The following AFF3 variants were observed in gnomAD, a reference collection of about 807,000 sequenced individuals.
AFF3 encodes the protein ALF transcription elongation factor 3, also known as AF4/FMR2 family member 3.
A neutral mutation model predicts 129.7 loss-of-function variants in AFF3; 32 were observed. The ratio of observed to expected loss-of-function variants is 0.25; its 90% CI spans 0.19 to 0.33. The LOEUF (loss-of-function observed/expected upper bound fraction) is 0.33. AFF3 is among the 10% of genes least tolerant of loss of function. The probability of loss-of-function intolerance (pLI) is 1.00; values close to 1 mark genes in which losing one functional copy is unlikely to be tolerated. For synonymous variants in AFF3, 644 were observed against 635.4 expected, an observed-to-expected ratio of 1.01 and a Z score of -0.20; for missense variants, 1,373 against 1,592.0, an observed-to-expected ratio of 0.86 and a Z score of 2.34.
At chr2:100,063,855 T>C (rs1687494916) in intron 4 of AFF3, among the ~76,000 whole-genome samples, 1 of 152,046 alleles carries the variant, frequency 6.6e-6, no homozygotes, top group African/African-American at 2.4e-5. Context: ...TTTGGGAGGC[T>C]GAGGCGGGTG....
chr2:100,016,978 G>T (rs1481482752), intron 4 of AFF3, among the ~76,000 whole-genome samples: 1 of 151,410 alleles, frequency 6.6e-6, no homozygotes, highest in Non-Finnish European at 1.5e-5. Context: ...TGGTAGTGGT[G>T]GTAATGGTAA....
chr2:100,116,772 C>T (rs1691751747), intron 2 of AFF3, among the ~76,000 whole-genome samples: 1 of 152,092 alleles, frequency 6.6e-6, no homozygotes, highest in Admixed American at 6.5e-5. Context: ...CATTCCTGCA[C>T]CTCTGGTCTT....
chr2:99,956,580 GC>G (rs1676673108), intron 7 of AFF3, among the ~76,000 whole-genome samples: 2 of 152,154 alleles, frequency 1.3e-5, no homozygotes, highest in African/African-American at 2.4e-5. Context: ...CACCTGCAAA[GC>G]CTTGTTTTTA....
chr2:99,979,036 C>CAATGATCTCTTCAACTGAAGAGAACAAT (rs1330628947), intron 7 of AFF3, among the ~76,000 whole-genome samples: 3 of 151,778 alleles, frequency 2.0e-5, no homozygotes, highest in Non-Finnish European at 2.9e-5. Context: ...AAGAGATCAA[C>CAATGATCTCTTCAACTGAAGAGAACAAT]GCAATGATCT....
chr2:100,080,726 G>C (rs1473117398), intron 4 of AFF3, among the ~76,000 whole-genome samples: 2 of 152,156 alleles, frequency 1.3e-5, no homozygotes, highest in African/African-American at 2.4e-5. Flanking sequence ...CCCCCGGCCA[G>C]GATGCAGCCA....
intron 7 of AFF3, among the ~76,000 whole-genome samples, chr2:99,906,820 A>G (rs1315822438): frequency 1.3e-5 from 2 of 151,512 alleles, no homozygotes; most frequent in Non-Finnish European, 2.9e-5. Flanking sequence ...CAATCAATCA[A>G]TCAATCAACC....
At chr2:99,874,370 A>G (rs62147618) in intron 7 of AFF3, among the ~76,000 whole-genome samples, 6,233 of 152,232 alleles carry the variant, frequency 0.041, 142 homozygotes, top group African/African-American at 0.058. Context: ...ACACCAAGAG[A>G]CAGAAGAGAA....
chr2:100,043,646 T>G (rs561809898), intron 4 of AFF3, among the ~76,000 whole-genome samples: 11 of 152,254 alleles, frequency 7.2e-5, no homozygotes, highest in Non-Finnish European at 1.3e-4. Flanking sequence ...AAACTTTTTT[T>G]AACCAATACA....
chr2:99,682,743 G>A (rs918437015), intron 11 of AFF3, among the ~76,000 whole-genome samples: 3 of 152,174 alleles, frequency 2.0e-5, no homozygotes, highest in East Asian at 1.9e-4. Flanking sequence ...AATCCCTGCC[G>A]ATAGGGTTTT....
chr2:99,596,533 G>A (rs1266589443), intron 14 of AFF3, among the ~76,000 whole-genome samples: 1 of 152,136 alleles, frequency 6.6e-6, no homozygotes, highest in Non-Finnish European at 1.5e-5. Context: ...GATGCTGAAG[G>A]GGCCTCTTGC....
chr2:99,605,553 C>A (rs566882487), intron 13 of AFF3, among the ~76,000 whole-genome samples: 198 of 152,284 alleles, frequency 1.3e-3, no homozygotes, highest in Non-Finnish European at 2.1e-3. Context: ...GCTCCCACCA[C>A]GGGTGCTTGC....
chr2:99,788,536 A>G (rs1269854996), intron 8 of AFF3, among the ~76,000 whole-genome samples: 3 of 152,276 alleles, frequency 2.0e-5, no homozygotes, highest in Non-Finnish European at 4.4e-5. Context: ...ATAGTCGTAC[A>G]GTGTTGTTTG....
intron 4 of AFF3, among the ~76,000 whole-genome samples, chr2:100,034,330 C>G (rs886729803): frequency 2.0e-5 from 3 of 149,308 alleles, no homozygotes; most frequent in Admixed American, 1.3e-4. Context: ...TATTAACATG[C>G]CTGTAAACAG....
At chr2:99,828,370 C>T (rs1386494975) in intron 8 of AFF3, among the ~76,000 whole-genome samples, 2 of 152,162 alleles carry the variant, frequency 1.3e-5, no homozygotes, top group African/African-American at 4.8e-5. Flanking sequence ...CAGCATAAAG[C>T]AGACGTCGCA....
At chr2:99,824,247 C>T (rs1395347640) in intron 8 of AFF3, among the ~76,000 whole-genome samples, 2 of 152,056 alleles carry the variant, frequency 1.3e-5, no homozygotes, top group Non-Finnish European at 2.9e-5. Context: ...TCCCCAGTAG[C>T]TGGGATTACA....
intron 8 of AFF3, among the ~76,000 whole-genome samples, chr2:99,805,747 T>C (rs17436200): frequency 0.022 from 3,279 of 152,154 alleles, 68 homozygotes; most frequent in Non-Finnish European, 0.03. Flanking sequence ...TGTCTATTTC[T>C]TCTTTTGAAT....
chr2:99,634,964 TACACACACAC>T (rs201362666), intron 13 of AFF3, among the ~76,000 whole-genome samples: 29 of 137,768 alleles, frequency 2.1e-4, no homozygotes, highest in African/African-American at 5.9e-4. Flanking sequence ...GATTCTGTCA[TACACACACAC>T]ACACACACAC....
At chr2:100,008,519 A>G (rs1031573444) in intron 5 of AFF3, among the ~76,000 whole-genome samples, 1 of 152,140 alleles carries the variant, frequency 6.6e-6, no homozygotes, top group Non-Finnish European at 1.5e-5. Flanking sequence ...TGACCTTATA[A>G]TATGTCAACG....
At chr2:99,830,288 A>T (rs1247507772) in intron 8 of AFF3, among the ~76,000 whole-genome samples, 4 of 152,204 alleles carry the variant, frequency 2.6e-5, no homozygotes, top group African/African-American at 4.8e-5. Context: ...TAAAGTAAAA[A>T]AAAAATAAAA....
Sources: allele counts gnomAD v4.1 joint callset (sites outside exome capture counted in the v4.1 genomes callset), GRCh38; gene constraint gnomAD v4.1.1; transcripts MANE v1.5; gene names NCBI Gene and HGNC (gene_info 2026-07-23, HGNC 2026-07-21).